RPH3AL: variants seen among roughly 807,000 people sequenced by gnomAD.
The protein encoded by RPH3AL is rab effector Noc2.
RPH3AL carries 38 observed loss-of-function variants against 43.1 expected under a neutral mutation model. That is an observed-to-expected ratio of 0.88 (90% CI 0.68 to 1.15). The LOEUF is 1.15. Ranked by LOEUF, RPH3AL falls within the 50% of genes most tolerant of loss-of-function variation. The pLI is 0.00. For synonymous variants in RPH3AL, 189 were observed against 176.3 expected (o/e 1.07, Z -0.57); for missense variants, 462 against 423.2 (o/e 1.09, Z -0.81).
chr17:229,917 C>G (rs2041191936), intron 7 of RPH3AL, among the ~76,000 whole-genome samples: 1 of 152,194 alleles, frequency 6.6e-6, no homozygotes, highest in African/African-American at 2.4e-5. Flanking sequence ...GAGCCTGCCC[C>G]TCCCTCCCTC....
chr17:313,230 T>C (rs1200943176), intron 5 of RPH3AL, among the ~76,000 whole-genome samples: 1 of 152,104 alleles, frequency 6.6e-6, no homozygotes, highest in Non-Finnish European at 1.5e-5. Context: ...CCCTATCATC[T>C]CCCAGTGACG....
At chr17:292,607 G>A (rs930585771) in intron 5 of RPH3AL, among the ~76,000 whole-genome samples, 1 of 152,246 alleles carries the variant, frequency 6.6e-6, no homozygotes, top group East Asian at 1.9e-4. Flanking sequence ...GGCTCCTGCT[G>A]CCCCAGCCGG....
chr17:262,505 C>T (rs917125122), intron 6 of RPH3AL, among the ~76,000 whole-genome samples: 9 of 152,070 alleles, frequency 5.9e-5, no homozygotes, highest in Admixed American at 1.3e-4. Flanking sequence ...TGAGCCACCG[C>T]ACCCGGCCAA....
At chr17:317,074 A>T (rs1224500973) in intron 5 of RPH3AL, among the ~76,000 whole-genome samples, 10 of 92,006 alleles carry the variant, frequency 1.1e-4, no homozygotes, top group African/African-American at 2.8e-4. Context: ...ACTGACCTGT[A>T]GTCTCTGTGC....
At chr17:239,617 CTGTTT>C (rs548791196) in intron 7 of RPH3AL, among the ~76,000 whole-genome samples, 47 of 152,140 alleles carry the variant, frequency 3.1e-4, no homozygotes, top group African/African-American at 1.1e-3. Flanking sequence ...CCTCCCGATT[CTGTTT>C]TGTTTTGTTT....
In RPH3AL at chr17:319,708, C is replaced by T. The variant is rs1400789317; in HGVS notation, c.222-159G>A. On this transcript the variant is annotated intron_variant, in intron 4 of 9. Transcript: ENST00000331302. ...TGGATAACAGCGAATCCTTCATTCA[C>T]TCACCAACTATTCAGTGAGCACCTA... 6.6e-5 allele frequency among the ~76,000 whole-genome samples: 10 copies of T among 150,780 alleles called. No individual in the cohort carries two copies. The East Asian group carries it at 2.0e-3, about 30-fold the overall frequency.
Position 274,403 on chromosome 17 carries a change from T to C in RPH3AL, c.438+7365A>G, listed in dbSNP as rs915027012. On this transcript the variant is annotated intron_variant, in intron 6 of 9. Coordinates refer to ENST00000331302, the MANE Select transcript of RPH3AL (RefSeq NM_006987.4). The surrounding 1 kb of genome is among the most constrained non-coding windows in gnomAD (Gnocchi z 4.7). ...GCCGCCTGGGCAGCCTTCCTGGCAC[T>C]TCAGGGCTGCCAGTTCCTGGGGCCA... is the stretch of plus-strand genomic sequence containing the variant. Among the ~76,000 whole-genome samples, 2 of 152,224 alleles carry C rather than the reference T, an allele frequency of 1.3e-5. No homozygotes were observed. The highest frequency in any genetic ancestry group is 4.8e-5 in the African/African-American group (2 of 41,468).
chr17:247,111 C>G lies in RPH3AL; in HGVS notation c.613G>C (p.Val205Leu), dbSNP rs1555540310. The G allele has an allele frequency of 1.9e-6, 3 of 1,614,124 alleles. No individual in the cohort carries two copies. The highest frequency in any genetic ancestry group is 2.5e-6 in the Non-Finnish European group (3 of 1,180,014). Reference protein sequence around the residue: ...SRIYTWARGRVVSSDSDSDSD... With the variant: ...SRIYTWARGRLVSSDSDSDSD... ...TGGGAGAGAGGCAGAGGGGACTTACCTCTTCCTCGGGCCCACGTGTAGATG... is the reference window on the plus strand; with the variant it reads ...TGGGAGAGAGGCAGAGGGGACTTACGTCTTCCTCGGGCCCACGTGTAGATG... The change falls in exon 7 of 10, where the codon GTG (valine) becomes CTG (leucine). Residue 205 changes from valine to leucine, a missense_variant and splice_region_variant. Coordinates refer to ENST00000331302, the MANE Select transcript of RPH3AL (RefSeq NM_006987.4).
chr17:270,047 T>C (rs1305705052), intron 6 of RPH3AL, among the ~76,000 whole-genome samples: 1 of 152,098 alleles, frequency 6.6e-6, no homozygotes, highest in African/African-American at 2.4e-5. Flanking sequence ...CGGGTCTCTC[T>C]GGCAGAGCCA....
chr17:321,750 G>C (rs146148169), intron 3 of RPH3AL: 1 of 283,206 alleles, frequency 3.5e-6, no homozygotes, highest in African/African-American at 2.2e-5. Context: ...GGCAAGGCAC[G>C]CGGGCAACAG....
intron 6 of RPH3AL, among the ~76,000 whole-genome samples, chr17:261,125 C>T (rs1351675309): frequency 6.6e-6 from 1 of 152,294 alleles, no homozygotes; most frequent in African/African-American, 2.4e-5. Context: ...CAGCTGAACA[C>T]CCATCCAAAT....
chr17:281,101 C>A (rs116982709), intron 6 of RPH3AL, among the ~76,000 whole-genome samples: 2 of 152,260 alleles, frequency 1.3e-5, no homozygotes, highest in South Asian at 2.1e-4. Context: ...ACTGTCCCTG[C>A]CCATCTGCTA....
intron 6 of RPH3AL, among the ~76,000 whole-genome samples, chr17:256,246 G>A (rs868914131): frequency 6.8e-4 from 69 of 100,972 alleles, no homozygotes; most frequent in African/African-American, 1.9e-3. Context: ...TACTTCCTAT[G>A]AGGGGAGCCG....
Position 225,799 on chromosome 17 carries a change from G to A in RPH3AL, c.614-6063C>T, listed in dbSNP as rs887454777. 5.3e-5 allele frequency among the ~76,000 whole-genome samples: 8 copies of A among 152,218 alleles called. No homozygotes were observed. The highest frequency in any genetic ancestry group is 1.0e-4 in the Non-Finnish European group (7 of 68,040). The stretch of plus-strand genomic sequence containing the variant: ...GGGCTGGCGGTGGGCACGGGGCTCC[G>A]TGGTGTCACACAGTACCAGGCTCCT... On this transcript the variant is annotated intron_variant, in intron 7 of 9. Coordinates refer to ENST00000331302, the MANE Select transcript of RPH3AL (RefSeq NM_006987.4). This position sits in a 1 kb window ranked among gnomAD's most constrained non-coding sequence, Gnocchi z 4.4.
chr17:312,439 G>C (rs2043668659), intron 5 of RPH3AL, among the ~76,000 whole-genome samples: 1 of 152,196 alleles, frequency 6.6e-6, no homozygotes, highest in South Asian at 2.1e-4. Flanking sequence ...CTTGATCTCA[G>C]AATTTCGTGC....
intron 6 of RPH3AL, among the ~76,000 whole-genome samples, chr17:260,034 ACCCCTTCCATGTGTCACT>A (rs2042163493): frequency 6.6e-6 from 1 of 151,876 alleles, no homozygotes; most frequent in East Asian, 1.9e-4. Context: ...TCCATTGTCC[ACCCCTTCCATGTGTCACT>A]CCCTCTCCCG....
At chr17:242,330 T>A (rs546511706) in intron 7 of RPH3AL, among the ~76,000 whole-genome samples, 6 of 109,538 alleles carry the variant, frequency 5.5e-5, no homozygotes, top group Non-Finnish European at 3.8e-5. Context: ...CCTTCCTCTA[T>A]TGACTACCTT....
At chr17:315,677 C>A (rs71283538) in intron 5 of RPH3AL, among the ~76,000 whole-genome samples, 148 of 94,830 alleles carry the variant, frequency 1.6e-3, no homozygotes, top group East Asian at 8.9e-3. Flanking sequence ...GACCTGTAGT[C>A]CCTGTGACCC....
intron 1 of RPH3AL, among the ~76,000 whole-genome samples, chr17:350,421 C>T (rs989429281): frequency 1.3e-5 from 2 of 152,088 alleles, no homozygotes; most frequent in African/African-American, 4.8e-5. Flanking sequence ...ACCAGCCTGG[C>T]CAACATGGGT....
Sources: gnomAD v4.1 joint callset for allele counts (sites outside exome capture counted in the v4.1 genomes callset) on GRCh38, gnomAD v4.1.1 for gene constraint, Gnocchi (gnomAD v3.1) non-coding constraint, MANE v1.5 for transcripts, NCBI Gene and HGNC (gene_info 2026-07-23, HGNC 2026-07-21) for gene names.